Variants in TSPAN9 observed in about 807,000 individuals in gnomAD.
The protein encoded by TSPAN9 is tetraspanin-9.
Under a neutral mutation model 31.0 loss-of-function variants are expected in TSPAN9, and 16 were observed. The observed-to-expected ratio is 0.52, with a 90% CI of 0.35 to 0.78. The LOEUF is 0.78. TSPAN9 is among the 30% of genes least tolerant of loss of function. TSPAN9 has a pLI of 0.01. For synonymous variants in TSPAN9, 145 were observed against 121.6 expected, an observed-to-expected ratio of 1.19 and a Z score of -1.27; for missense variants, 272 against 312.5, an observed-to-expected ratio of 0.87 and a Z score of 0.98.
intron 2 of TSPAN9, among the ~76,000 whole-genome samples, chr12:3,088,646 T>G (rs997520139): frequency 2.0e-5 from 3 of 152,170 alleles, no homozygotes; most frequent in Non-Finnish European, 4.4e-5. Flanking sequence ...CTGGAGACCA[T>G]GCAATTCAGG....
rs757400075 is a variant in TSPAN9 at position 3,145,309 on chromosome 12, T to C, written c.-17-55868T>C. On this transcript the variant is annotated intron_variant, in intron 2 of 8. Coordinates refer to ENST00000011898, the MANE Select transcript of TSPAN9 (RefSeq NM_006675.5). ...TGTGTCCTCCCTGACTGCCAGTCCATGGTGCTCTTGTTCTTCCTTGGCAGT... is the reference window on the plus strand; with the variant it reads ...TGTGTCCTCCCTGACTGCCAGTCCACGGTGCTCTTGTTCTTCCTTGGCAGT... 1.1e-3 allele frequency among the ~76,000 whole-genome samples: 166 copies of C among 152,312 alleles called. 1 individual carries two copies. The highest frequency in any genetic ancestry group is 2.0e-3 in the Non-Finnish European group (139 of 68,016).
chr12:3,146,400 G>A (rs1318860457), intron 2 of TSPAN9, among the ~76,000 whole-genome samples: 1 of 152,130 alleles, frequency 6.6e-6, no homozygotes, highest in African/African-American at 2.4e-5. Flanking sequence ...CTGACAGTTT[G>A]GTTTTCATTC....
At chr12:3,082,861 C>T (rs1001082989) in intron 1 of TSPAN9, among the ~76,000 whole-genome samples, 19 of 152,114 alleles carry the variant, frequency 1.2e-4, no homozygotes, top group Non-Finnish European at 1.9e-4. Context: ...ATTCTAATTC[C>T]CTCTGATGTT....
chr12:3,208,146 G>A (rs935435083), intron 3 of TSPAN9, among the ~76,000 whole-genome samples: 3 of 152,228 alleles, frequency 2.0e-5, no homozygotes, highest in African/African-American at 7.2e-5. Context: ...TGCGGTGAGA[G>A]CGTATGAACA....
intron 3 of TSPAN9, among the ~76,000 whole-genome samples, chr12:3,238,838 A>G (rs937668525): frequency 1.3e-5 from 2 of 152,200 alleles, no homozygotes; most frequent in Admixed American, 6.5e-5. Flanking sequence ...ATGGGCATGC[A>G]GCATACGTAG....
At position 3,271,610 on chromosome 12, in the gene TSPAN9, C is replaced by A. The variant is rs143975286; in HGVS notation, c.64-6811C>A. 4.9e-3 allele frequency among the ~76,000 whole-genome samples: 747 copies of A among 152,090 alleles called. 12 individuals are homozygous for A. Among genetic ancestry groups the A allele is most frequent in the African/African-American group, 0.017 (701 of 41,474 alleles). On this transcript the variant is annotated intron_variant, in intron 3 of 8. Coordinates refer to ENST00000011898, the MANE Select transcript of TSPAN9 (RefSeq NM_006675.5). ...GTGAGCATTCAGCCCCTGGGAGACC[C>A]GTGTGGCTGCATCCCACCCCATGGT...
chr12:3,161,608 C>T (rs1302109198), intron 2 of TSPAN9, among the ~76,000 whole-genome samples: 1 of 152,162 alleles, frequency 6.6e-6, no homozygotes, highest in Non-Finnish European at 1.5e-5. Flanking sequence ...TGGAAAATGC[C>T]CTTTCCTGCT....
chr12:3,229,594 G>A (rs1484812395), intron 3 of TSPAN9, among the ~76,000 whole-genome samples: 3 of 152,362 alleles, frequency 2.0e-5, no homozygotes, highest in Middle Eastern at 3.4e-3. Context: ...GGACCTATCC[G>A]TGTATTTGAG....
chr12:3,228,464 A>G (rs982258407), intron 3 of TSPAN9, among the ~76,000 whole-genome samples: 12 of 152,206 alleles, frequency 7.9e-5, no homozygotes, highest in African/African-American at 2.9e-4. Context: ...GACCAGTCAC[A>G]CAAGCACTAG....
At chr12:3,120,047 G>A (rs745685675) in intron 2 of TSPAN9, among the ~76,000 whole-genome samples, 1 of 152,114 alleles carries the variant, frequency 6.6e-6, no homozygotes, top group African/African-American at 2.4e-5. Context: ...GCAGTTCCGC[G>A]GTTTCAGATG....
chr12:3,118,877 A>C (rs1298771275), intron 2 of TSPAN9, among the ~76,000 whole-genome samples: 1 of 152,108 alleles, frequency 6.6e-6, no homozygotes, highest in African/African-American at 2.4e-5. Context: ...GTCAGGTGAC[A>C]TGTTAAGCCT....
rs150736581 is a variant in TSPAN9, at chr12:3,281,796, G to T, written c.627G>T (p.Gly209=). ...DDNKHVLGTV[G]MCILIMQILG... is the part of the protein sequence containing the mutation. ...ATAAGCACGTGCTGGGCACGGTGGG[G>T]ATGTGCATCCTCATCATGCAGGTAA... Residue 209 remains glycine (G), a synonymous_variant, in exon 8 of 9, where the codon GGG becomes GGT. Transcript: ENST00000011898. 6.2e-7 allele frequency: 1 copy of T among 1,614,062 alleles called. No homozygotes were observed. The highest frequency in any genetic ancestry group is 1.3e-5 in the African/African-American group (1 of 74,926).
chr12:3,216,352 C>T (rs1348256782), intron 3 of TSPAN9, among the ~76,000 whole-genome samples: 2 of 152,186 alleles, frequency 1.3e-5, no homozygotes, highest in Admixed American at 6.5e-5. Context: ...GCCCACATGG[C>T]CCTGGGTCCA....
chr12:3,228,432 C>G (rs572629599), intron 3 of TSPAN9, among the ~76,000 whole-genome samples: 113 of 152,348 alleles, frequency 7.4e-4, no homozygotes, highest in South Asian at 1.2e-3. Context: ...CATGAGGATA[C>G]TAAATCTCAG....
intron 2 of TSPAN9, among the ~76,000 whole-genome samples, chr12:3,153,629 A>G (rs1444544998): frequency 1.3e-5 from 2 of 152,198 alleles, no homozygotes; most frequent in Non-Finnish European, 2.9e-5. Context: ...TTAGCTCACA[A>G]TTTTAACTTA....
chr12:3,090,345 T>C (rs2098303630), intron 2 of TSPAN9, among the ~76,000 whole-genome samples: 1 of 152,236 alleles, frequency 6.6e-6, no homozygotes, highest in African/African-American at 2.4e-5. Flanking sequence ...GTTCTACGGG[T>C]TAGCCTTTTG....
chr12:3,127,896 G>A (rs1158234329), intron 2 of TSPAN9, among the ~76,000 whole-genome samples: 1 of 152,166 alleles, frequency 6.6e-6, no homozygotes, highest in African/African-American at 2.4e-5. Context: ...TATTAGCTGG[G>A]ACTACAGGCT....
chr12:3,111,002 ACT>A (rs2153965343), intron 2 of TSPAN9, among the ~76,000 whole-genome samples: 1 of 152,138 alleles, frequency 6.6e-6, no homozygotes, highest in South Asian at 2.1e-4. Flanking sequence ...TCTGCAGGTC[ACT>A]CTGTCGCCGT....
At chr12:3,233,541 T>C (rs774492415) in intron 3 of TSPAN9, among the ~76,000 whole-genome samples, 29 of 152,242 alleles carry the variant, frequency 1.9e-4, no homozygotes, top group Non-Finnish European at 3.5e-4. Context: ...TTGTGCTACA[T>C]GTAGCTTTCT....
Sources: allele counts gnomAD v4.1 joint callset (sites outside exome capture counted in the v4.1 genomes callset), GRCh38; gene constraint gnomAD v4.1.1; transcripts MANE v1.5; gene names NCBI Gene and HGNC (gene_info 2026-07-23, HGNC 2026-07-21).